TBCE: variants seen among roughly 807,000 people sequenced by gnomAD.
The protein encoded by TBCE is tubulin-specific chaperone E.
In TBCE, 53 loss-of-function variants were observed where a neutral mutation model predicts 77.0. That is an observed-to-expected ratio of 0.69 (90% CI 0.55 to 0.87). The LOEUF (loss-of-function observed/expected upper bound fraction) is 0.87, where lower values mean the gene tolerates loss of function less well. Ranked by LOEUF, TBCE falls within the 40% of genes least tolerant of loss-of-function variation. The probability of loss-of-function intolerance (pLI) is 0.00; values close to 1 mark genes in which losing one functional copy is unlikely to be tolerated. For missense variants in TBCE, 624 were observed against 622.4 expected (o/e 1.00, Z -0.03); for synonymous variants, 235 against 241.3 (o/e 0.97, Z 0.24).
At chr1:235,400,006 C>T (rs1269336334) in intron 2 of TBCE, among the ~76,000 whole-genome samples, 1 of 152,082 alleles carries the variant, frequency 6.6e-6, no homozygotes, top group Non-Finnish European at 1.5e-5. Flanking sequence ...TTAACTTATG[C>T]AGTAGTTATT....
At chr1:235,377,245 T>C (rs1677354858) in intron 1 of TBCE, among the ~76,000 whole-genome samples, 1 of 152,240 alleles carries the variant, frequency 6.6e-6, no homozygotes, top group Non-Finnish European at 1.5e-5. Context: ...AGTGGCACGA[T>C]CTTGGCTCAC....
Position 235,411,814 on chromosome 1 carries a change from A to C in TBCE, c.186-2619A>C, listed in dbSNP as rs575914616. 3.9e-5 allele frequency among the ~76,000 whole-genome samples: 6 copies of C among 152,114 alleles called. No homozygotes were observed. The South Asian group carries it at 1.2e-3, about 32-fold the overall frequency. On this transcript the variant is annotated intron_variant, in intron 3 of 16. Coordinates refer to ENST00000642610, the MANE Select transcript of TBCE (RefSeq NM_003193.5). The stretch of plus-strand genomic sequence containing the variant: ...ACTGAATTAATTTCATCAACATACA[A>C]GGTGGATATTTTCTCCTGTCTTAAG...
At chr1:235,390,922 A>G (rs1678347085) in intron 2 of TBCE, among the ~76,000 whole-genome samples, 1 of 152,110 alleles carries the variant, frequency 6.6e-6, no homozygotes, top group East Asian at 1.9e-4. Flanking sequence ...AACTTTCCTC[A>G]TATGATAAGG....
intron 2 of TBCE, among the ~76,000 whole-genome samples, chr1:235,387,701 T>C (rs1308274603): frequency 6.6e-6 from 1 of 152,178 alleles, no homozygotes; most frequent in African/African-American, 2.4e-5. Context: ...GTGCCATCTG[T>C]CACCCCTTTC....
intron 16 of TBCE, 58 bp downstream of exon 16, chr1:235,448,498 T>C (rs1682630777): frequency 2.0e-6 from 3 of 1,529,024 alleles, no homozygotes; most frequent in South Asian, 2.2e-5. Context: ...TATTATGACA[T>C]TAAACTGTCT....
intron 2 of TBCE, among the ~76,000 whole-genome samples, chr1:235,400,787 C>A (rs186991676): frequency 5.9e-5 from 9 of 151,524 alleles, no homozygotes. Context: ...CTCCGCCTCC[C>A]GGGTTCAAGT....
At chr1:235,373,065 AG>A (rs1473775279) in intron 1 of TBCE, among the ~76,000 whole-genome samples, 1 of 151,848 alleles carries the variant, frequency 6.6e-6, no homozygotes, top group Non-Finnish European at 1.5e-5. Flanking sequence ...CAGTTGAGGT[AG>A]CTCAAACCTG....
intron 1 of TBCE, among the ~76,000 whole-genome samples, chr1:235,376,033 G>T (rs755604163): frequency 2.0e-5 from 3 of 152,200 alleles, no homozygotes; most frequent in East Asian, 3.9e-4. Flanking sequence ...GTAACAGAGC[G>T]AGACTCTTCT....
chr1:235,411,920 C>G (rs1679801668), intron 3 of TBCE, among the ~76,000 whole-genome samples: 1 of 151,848 alleles, frequency 6.6e-6, no homozygotes, highest in South Asian at 2.1e-4. Context: ...TTGGAACTCA[C>G]CCTCGCTGGG....
At chr1:235,428,135 T>C (rs1680842121) in intron 6 of TBCE, among the ~76,000 whole-genome samples, 1 of 150,662 alleles carries the variant, frequency 6.6e-6, no homozygotes, top group Non-Finnish European at 1.5e-5. Flanking sequence ...CCATCATAGC[T>C]AACAAAGTGA....
At position 235,449,328 on chromosome 1, in the gene TBCE, T is replaced by A. The variant is rs1682749510; in HGVS notation, c.*566T>A. On this transcript the variant is annotated 3_prime_UTR_variant, in exon 17 of 17. Transcript: ENST00000642610. ...AAGCTGAGTATATCTTCTTCTGTGA[T>A]AACCAGCTTTGATTGAAATGTACTC... 1 of 156,632 alleles carries A rather than the reference T, an allele frequency of 6.4e-6. No individual in the cohort carries two copies. Among genetic ancestry groups the A allele is most frequent in the South Asian group, 1.9e-4 (1 of 5,248 alleles). The allele number at this position is 156,632 out of a possible 1,614,324, so 9.7% of individuals were successfully genotyped here. A position where few individuals can be genotyped will look rare whatever the true frequency, so the allele number is the denominator to read the frequency against.
In TBCE at chr1:235,392,159, G is replaced by A. The variant is rs1057257449; in HGVS notation, c.101-9344G>A. 2.6e-5 allele frequency among the ~76,000 whole-genome samples: 4 copies of A among 151,522 alleles called. No individual in the cohort carries two copies. The East Asian group carries it at 7.8e-4, about 30-fold the overall frequency. On this transcript the variant is annotated intron_variant, in intron 2 of 16. Coordinates refer to ENST00000642610, the MANE Select transcript of TBCE (RefSeq NM_003193.5). Reference sequence around the variant, plus strand: ...TAACGTAACAAGATCCCTGTCTCTAGCAAAAATAAATAAATAAATAAATAA... The same window carrying A: ...TAACGTAACAAGATCCCTGTCTCTAACAAAAATAAATAAATAAATAAATAA...
In TBCE at chr1:235,433,206, G is replaced by T. The variant is rs902711069; in HGVS notation, c.661-998G>T. ...ATGATTCCATTCTCTAATTGGCCAT[G>T]GCCAAGGGCGTCATCTCAACTATTT... On this transcript the variant is annotated intron_variant, in intron 7 of 16. Coordinates refer to ENST00000642610, the MANE Select transcript of TBCE (RefSeq NM_003193.5). 5.4e-6 allele frequency: 7 copies of T among 1,285,424 alleles called. No homozygotes were observed. The Admixed American group carries it at 2.4e-4, about 45-fold the overall frequency. 79.6% of individuals were successfully genotyped at this position (1,285,424 alleles called of 1,614,324 possible). A position where few individuals can be genotyped will look rare whatever the true frequency, so the allele number is the denominator to read the frequency against.
intron 3 of TBCE, among the ~76,000 whole-genome samples, chr1:235,403,573 G>A (rs765329088): frequency 1.3e-5 from 2 of 152,080 alleles, no homozygotes; most frequent in African/African-American, 4.8e-5. Flanking sequence ...TGCCCAAATT[G>A]TCCATACTTT....
At chr1:235,442,661 G>A (rs370187912) in intron 14 of TBCE, among the ~76,000 whole-genome samples, 191 bp from the exon 15 acceptor site, 13 of 152,296 alleles carry the variant, frequency 8.5e-5, no homozygotes, top group African/African-American at 2.9e-4. Context: ...AAAAGGGAAA[G>A]TATTGTCCAG....
At chr1:235,369,751 T>G (rs1020534527) in intron 1 of TBCE, among the ~76,000 whole-genome samples, 5 of 146,816 alleles carry the variant, frequency 3.4e-5, no homozygotes, top group Non-Finnish European at 7.5e-5. Context: ...TGCTTGAACC[T>G]GGGGGCAGGC....
chr1:235,437,805 G>C (rs1431049110), intron 12 of TBCE, among the ~76,000 whole-genome samples: 1 of 150,452 alleles, frequency 6.6e-6, no homozygotes, highest in Non-Finnish European at 1.5e-5. Flanking sequence ...GGGCAATGGA[G>C]TGAGACCCTG....
At chr1:235,411,629 G>A (rs924083092) in intron 3 of TBCE, among the ~76,000 whole-genome samples, 4 of 152,158 alleles carry the variant, frequency 2.6e-5, no homozygotes. Context: ...CTACTCCATA[G>A]GCAGAGCAGC....
At chr1:235,418,067 C>T (rs1197021010) in intron 4 of TBCE, among the ~76,000 whole-genome samples, 1 of 152,202 alleles carries the variant, frequency 6.6e-6, no homozygotes, top group Non-Finnish European at 1.5e-5. Context: ...CAGGCATAAG[C>T]CACTGCCCCC....
Sources: gnomAD v4.1 joint callset for allele counts (sites outside exome capture counted in the v4.1 genomes callset) on GRCh38, gnomAD v4.1.1 for gene constraint, MANE v1.5 for transcripts, NCBI Gene and HGNC (gene_info 2026-07-23, HGNC 2026-07-21) for gene names.